GPKOW: variants seen among roughly 807,000 people sequenced by gnomAD.
The protein encoded by GPKOW is G-patch domain and KOW motifs, also known as G-patch domain and KOW motifs-containing protein.
For synonymous variants in GPKOW, 167 were observed against 159.1 expected, an observed-to-expected ratio of 1.05 and a Z score of -0.37; for missense variants, 359 against 404.7, an observed-to-expected ratio of 0.89 and a Z score of 0.97.
intron 9 of GPKOW, among the ~76,000 whole-genome samples, 153 bp from the exon 10 acceptor site, chrX:49,114,091 A>G (rs1232712736): frequency 9.0e-6 from 1 of 110,587 alleles, no homozygotes; most frequent in East Asian, 2.9e-4. Flanking sequence ...TGAGCCCAGG[A>G]GTTCGAGACC....
chrX:49,122,826 G>A (rs1468774241), intron 1 of GPKOW, 50 bp from the exon 2 acceptor site: 9 of 1,050,886 alleles, frequency 8.6e-6, no homozygotes, highest in Admixed American at 7.1e-5. Flanking sequence ...GGGTCAGTGG[G>A]TCACACTCCT....
At chrX:49,117,844 T>A in intron 4 of GPKOW, 34 bp from the exon 5 acceptor site, 1 of 947,881 alleles carries the variant, frequency 1.1e-6, no homozygotes, top group African/African-American at 1.9e-5. Flanking sequence ...TTGGAGAGGA[T>A]GCAACAGTCT....
rs2065180724 is a variant in GPKOW at position 49,113,833 on chromosome X, C to T, written c.1296+20G>A. 4 of 1,201,393 alleles carry T rather than the reference C, an allele frequency of 3.3e-6. No homozygotes were observed. Among genetic ancestry groups the T allele is most frequent in the South Asian group, 3.5e-5 (2 of 56,769 alleles). ...GCCCTGAACGACCCACAAACCTCTACTGCCAGGTCTGAGACTCACCCTTCC... is the reference window on the plus strand; with the variant it reads ...GCCCTGAACGACCCACAAACCTCTATTGCCAGGTCTGAGACTCACCCTTCC... On this transcript the variant is annotated intron_variant, in intron 10 of 10. Transcript: ENST00000156109.
chrX:49,115,159 C>T (rs1159891408), intron 9 of GPKOW, among the ~76,000 whole-genome samples: 2 of 109,802 alleles, frequency 1.8e-5, no homozygotes, highest in Non-Finnish European at 3.8e-5. Flanking sequence ...ATACACATTC[C>T]TTCACTAAGG....
intron 6 of GPKOW, 116 bp downstream of exon 6, chrX:49,116,914 G>T: frequency 1.7e-6 from 1 of 572,918 alleles, no homozygotes. Flanking sequence ...AGTCATATCT[G>T]CCAGGCACAC....
chrX:49,117,205 C>T (rs1349687596), intron 5 of GPKOW, 43 bp from the exon 6 acceptor site: 13 of 1,183,357 alleles, frequency 1.1e-5, no homozygotes, highest in Non-Finnish European at 1.5e-5. Flanking sequence ...GTTGTGGACT[C>T]CACCCACATT....
At chrX:49,115,550 A>C (rs1223546395) in intron 9 of GPKOW, among the ~76,000 whole-genome samples, 176 bp downstream of exon 9, 1 of 105,917 alleles carries the variant, frequency 9.4e-6, no homozygotes, top group South Asian at 4.3e-4. Context: ...ACAGACTGGG[A>C]GAGTGGGGCT....
At chrX:49,122,808 G>A in intron 1 of GPKOW, 32 bp from the exon 2 acceptor site, 1 of 1,158,895 alleles carries the variant, frequency 8.6e-7, no homozygotes, top group South Asian at 1.8e-5. Context: ...GGGGTTGGGA[G>A]AATGGCAGGG....
At chrX:49,114,050 C>A in intron 9 of GPKOW, 112 bp from the exon 10 acceptor site, 1 of 517,701 alleles carries the variant, frequency 1.9e-6, no homozygotes, top group African/African-American at 2.3e-5. Context: ...GTAGTCCCAG[C>A]ACTTTGGGAG....
At chrX:49,116,927 C>T in intron 6 of GPKOW, 103 bp downstream of exon 6, 1 of 655,797 alleles carries the variant, frequency 1.5e-6, no homozygotes, top group South Asian at 2.7e-5. Context: ...AGGCACACTG[C>T]TGCCCCTCCC....
At chrX:49,114,618 G>GAAAAA (rs1265726071) in intron 9 of GPKOW, among the ~76,000 whole-genome samples, 1 of 52,744 alleles carries the variant, frequency 1.9e-5, no homozygotes, top group Non-Finnish European at 3.7e-5. Context: ...AAAAAAAAAA[G>GAAAAA]AAAAAAAAAA....
At chrX:49,118,772 A>G (rs1354602846) in intron 4 of GPKOW, among the ~76,000 whole-genome samples, 2 of 101,629 alleles carry the variant, frequency 2.0e-5, no homozygotes, top group African/African-American at 7.3e-5. Flanking sequence ...AAAAACGCCA[A>G]TTCAGGTCAT....
chrX:49,115,233 C>T (rs372356652), intron 9 of GPKOW, among the ~76,000 whole-genome samples: 1 of 109,378 alleles, frequency 9.1e-6, no homozygotes, highest in Non-Finnish European at 1.9e-5. Context: ...AGGCCGAGCG[C>T]GGTGGCTCAC....
At chrX:49,122,581 C>T (rs1557091236) in intron 2 of GPKOW, 41 bp downstream of exon 2, 1 of 1,206,076 alleles carries the variant, frequency 8.3e-7, no homozygotes, top group East Asian at 3.0e-5. Flanking sequence ...CCTTCTTCCT[C>T]TTCTTCCTTC....
chrX:49,115,228 G>A (rs2065187734), intron 9 of GPKOW, among the ~76,000 whole-genome samples: 1 of 110,342 alleles, frequency 9.1e-6, no homozygotes, highest in African/African-American at 3.3e-5. Flanking sequence ...ACCGGAGGCC[G>A]AGCGCGGTGG....
chrX:49,113,887 C>T lies in GPKOW; in HGVS notation c.1262G>A (p.Arg421His), dbSNP rs2065180947. 6 of 1,208,633 alleles carry T rather than the reference C, an allele frequency of 5.0e-6. No individual in the cohort carries two copies. The South Asian group carries it at 5.3e-5, about 11-fold the overall frequency. Residue 421 changes from arginine (R) to histidine (H), a missense_variant, in exon 10 of 11, where the codon CGT becomes CAT. Arg to His is a conservative substitution (Grantham distance 29). Transcript: ENST00000156109. Reference sequence around the variant, plus strand: ...CTGTGGGCCCAGCACCACCATCACACGGTCACCCTCTGCCTTGGGAACCAG... The same window carrying T: ...CTGTGGGCCCAGCACCACCATCACATGGTCACCCTCTGCCTTGGGAACCAG... ...ETLVPKAEGD[R>H]VMVVLGPQTG...
chrX:49,113,536 C>T lies in GPKOW; in HGVS notation c.*85G>A. 15 of 942,429 alleles carry T rather than the reference C, an allele frequency of 1.6e-5. No individual in the cohort carries two copies. The highest frequency in any genetic ancestry group is 6.2e-5 in the South Asian group (3 of 48,180). The allele number at this position is 942,429 out of a possible 1,213,427, so 77.7% of individuals were successfully genotyped here. On this transcript the variant is annotated 3_prime_UTR_variant, in exon 11 of 11. Coordinates refer to ENST00000156109, the MANE Select transcript of GPKOW (RefSeq NM_015698.6). ...ACTGCACCAGAAGTAGAGGATGGAA[C>T]AATGATCTTCCCACCTTCTGAAGGC...
chrX:49,119,543 A>G (rs782591923), intron 4 of GPKOW, among the ~76,000 whole-genome samples, 162 bp downstream of exon 4: 1 of 112,321 alleles, frequency 8.9e-6, no homozygotes, highest in East Asian at 2.8e-4. Flanking sequence ...TTCAAAGGGC[A>G]AATGGGAGTT....
chrX:49,116,234 G>T lies in GPKOW; in HGVS notation c.1003C>A (p.His335Asn). The T allele has an allele frequency of 2.5e-6, 3 of 1,198,002 alleles. No homozygotes were observed. The highest frequency in any genetic ancestry group is 3.4e-6 in the Non-Finnish European group (3 of 882,977). The change falls in exon 7 of 11, where the codon CAC (histidine) becomes AAC (asparagine). Residue 335 changes from histidine to asparagine, a missense_variant. Transcript: ENST00000156109. ...TCAGAGTCCCACCGGTCTGGAAGGT[G>T]TTTCCGCTTCCTCTCTGAGTTGTCC... ...QQDNSERKRK[H>N]LPDRQDGPAA...
Sources: allele counts gnomAD v4.1 joint callset (sites outside exome capture counted in the v4.1 genomes callset), GRCh38; gene constraint gnomAD v4.1.1; transcripts MANE v1.5; gene names NCBI Gene and HGNC (gene_info 2026-07-23, HGNC 2026-07-21).